Variants in CRPPA observed in about 807,000 individuals in gnomAD.
CRPPA encodes the protein CDP-L-ribitol pyrophosphorylase A.
A neutral mutation model predicts 52.0 loss-of-function variants in CRPPA; 43 were observed. That is an observed-to-expected ratio of 0.83 (90% CI 0.65 to 1.07). The LOEUF is 1.07. Ranked by LOEUF, CRPPA falls within the 50% of genes least tolerant of loss-of-function variation. CRPPA has a pLI of 0.00. For missense variants in CRPPA, 629 were observed against 551.7 expected, an observed-to-expected ratio of 1.14 and a Z score of -1.40; for synonymous variants, 250 against 203.5, an observed-to-expected ratio of 1.23 and a Z score of -1.94.
At chr7:16,109,193 G>A (rs975956823) in intron 9 of CRPPA, among the ~76,000 whole-genome samples, 2 of 151,590 alleles carry the variant, frequency 1.3e-5, no homozygotes, top group African/African-American at 4.8e-5. Flanking sequence ...TAAGAGAAAA[G>A]AGAAGACTCA....
At chr7:16,273,961 A>G (rs1452358240) in intron 6 of CRPPA, among the ~76,000 whole-genome samples, 6 of 152,302 alleles carry the variant, frequency 3.9e-5, no homozygotes, top group African/African-American at 1.4e-4. Flanking sequence ...CCCCTTAGCC[A>G]GTCCTGCGAA....
At chr7:16,187,905 T>C (rs955453347) in intron 9 of CRPPA, among the ~76,000 whole-genome samples, 2 of 152,020 alleles carry the variant, frequency 1.3e-5, no homozygotes, top group Admixed American at 6.6e-5. Context: ...ACATTGATGA[T>C]GAATAAAACA....
Position 16,220,877 on chromosome 7 carries a change from A to C in CRPPA, c.1120-4680T>G, listed in dbSNP as rs567017482. ...GAAAACGGCCATACTGCCCAAGGTA[A>C]TTTACAGATTCAATGCCATCCCCAT... On this transcript the variant is annotated intron_variant, in intron 8 of 9. Transcript: ENST00000407010. Among the ~76,000 whole-genome samples the C allele has an allele frequency of 3.7e-3, 565 of 152,308 alleles. 3 individuals carry two copies. The highest frequency in any genetic ancestry group is 0.014 in the Middle Eastern group (4 of 294).
chr7:16,321,661 T>C (rs763603040), intron 3 of CRPPA, among the ~76,000 whole-genome samples: 4 of 152,050 alleles, frequency 2.6e-5, no homozygotes, highest in Non-Finnish European at 4.4e-5. Context: ...ATTACTCAAG[T>C]TGGATGATGT....
At chr7:16,222,610 C>T (rs10950605) in intron 8 of CRPPA, among the ~76,000 whole-genome samples, 44,593 of 151,732 alleles carry the variant, frequency 0.29, 6,801 homozygotes, top group South Asian at 0.47. Flanking sequence ...ATTAATAATA[C>T]AAATAAAATT....
chr7:16,418,262 A>T (rs1049063637), intron 1 of CRPPA, among the ~76,000 whole-genome samples: 1 of 152,238 alleles, frequency 6.6e-6, no homozygotes, highest in Non-Finnish European at 1.5e-5. Context: ...CATAATAGTG[A>T]TAAAAATGAG....
At chr7:16,186,866 A>AC (rs1781514247) in intron 9 of CRPPA, among the ~76,000 whole-genome samples, 1 of 152,208 alleles carries the variant, frequency 6.6e-6, no homozygotes, top group African/African-American at 2.4e-5. Context: ...ATTTTGTCCC[A>AC]CCATCAATGG....
intron 8 of CRPPA, among the ~76,000 whole-genome samples, chr7:16,257,900 A>C (rs921729175): frequency 2.6e-5 from 4 of 152,058 alleles, no homozygotes; most frequent in African/African-American, 9.7e-5. Context: ...AAAATCTCCC[A>C]AAATTTTTCA....
intron 9 of CRPPA, among the ~76,000 whole-genome samples, chr7:16,203,622 G>A (rs1781906636): frequency 1.3e-5 from 2 of 152,212 alleles, no homozygotes; most frequent in South Asian, 2.1e-4. Context: ...TAGGGATGAG[G>A]AAGAGACTGA....
In CRPPA at chr7:16,258,013, T is replaced by A. The variant is rs1022916311; in HGVS notation, c.1119+377A>T. ...CAAGAATCAGCTTTCTTCCACGAGG[T>A]TTTTTCCTCACATTAACATCTGGAA... On this transcript the variant is annotated intron_variant, in intron 8 of 9. Transcript: ENST00000407010. 7.2e-5 allele frequency among the ~76,000 whole-genome samples: 11 copies of A among 152,030 alleles called. No individual in the cohort carries two copies. The East Asian group carries it at 2.1e-3, about 29-fold the overall frequency.
At chr7:16,298,873 C>CAGGTTCTGGGTCTTCTTGG (rs1440345397) in intron 5 of CRPPA, among the ~76,000 whole-genome samples, 3 of 152,174 alleles carry the variant, frequency 2.0e-5, no homozygotes, top group African/African-American at 7.2e-5. Context: ...AAAGCAGAGA[C>CAGGTTCTGGGTCTTCTTGG]AGGTTCTGGG....
intron 3 of CRPPA, among the ~76,000 whole-genome samples, chr7:16,310,578 T>C (rs780096850): frequency 6.6e-6 from 1 of 152,096 alleles, no homozygotes; most frequent in African/African-American, 2.4e-5. Context: ...GACGGGGTAA[T>C]ATTTAAAAAG....
chr7:16,216,007 T>A (rs1583436582), intron 9 of CRPPA, 59 bp downstream of exon 9: 23 of 1,307,964 alleles, frequency 1.8e-5, no homozygotes, highest in Non-Finnish European at 2.4e-5. Context: ...ACAAATCAGA[T>A]ACCTACCATT....
chr7:16,261,995 G>A (rs1168269949), intron 6 of CRPPA: 2 of 152,168 alleles, frequency 1.3e-5, no homozygotes, highest in Non-Finnish European at 2.9e-5. Context: ...GAATACTGTA[G>A]ATATATGAGG....
At chr7:16,146,569 T>C (rs1782978260) in intron 9 of CRPPA, among the ~76,000 whole-genome samples, 1 of 152,160 alleles carries the variant, frequency 6.6e-6, no homozygotes, top group African/African-American at 2.4e-5. Flanking sequence ...ATAGCTATAA[T>C]AATTTGTTAA....
At chr7:16,253,031 TTTG>T (rs1020439602) in intron 8 of CRPPA, among the ~76,000 whole-genome samples, 1 of 152,200 alleles carries the variant, frequency 6.6e-6, no homozygotes, top group African/African-American at 2.4e-5. Context: ...GTCTATCTAT[TTTG>T]TTGATCTTTT....
chr7:16,376,348 A>C, intron 2 of CRPPA, 107 bp from the exon 3 acceptor site: 1 of 1,089,762 alleles, frequency 9.2e-7, no homozygotes, highest in Non-Finnish European at 1.3e-6. Context: ...ACCTTCAACA[A>C]GCTACCTTAA....
At chr7:16,170,725 G>A (rs934778539) in intron 9 of CRPPA, among the ~76,000 whole-genome samples, 1 of 152,190 alleles carries the variant, frequency 6.6e-6, no homozygotes, top group Non-Finnish European at 1.5e-5. Context: ...GCCCTGCCCT[G>A]CAGGGAGGCA....
At chr7:16,299,704 GA>G (rs539641825) in intron 5 of CRPPA, among the ~76,000 whole-genome samples, 164 of 152,244 alleles carry the variant, frequency 1.1e-3, no homozygotes, top group African/African-American at 3.5e-3. Context: ...TCTTTCCTAA[GA>G]ATAAAAGTAG....
Sources: allele counts gnomAD v4.1 joint callset (sites outside exome capture counted in the v4.1 genomes callset), GRCh38; gene constraint gnomAD v4.1.1; transcripts MANE v1.5; gene names NCBI Gene and HGNC (gene_info 2026-07-23, HGNC 2026-07-21).